Variants in BACH2 observed in about 807,000 individuals in gnomAD.
BACH2 encodes the protein transcription regulator protein BACH2.
A neutral mutation model predicts 61.8 loss-of-function variants in BACH2; 5 were observed. That is an observed-to-expected ratio of 0.08 (90% CI 0.04 to 0.17). The LOEUF (loss-of-function observed/expected upper bound fraction) is 0.17. Among genes scored for constraint, BACH2 ranks in the 10% least tolerant of loss-of-function variants. The probability of loss-of-function intolerance (pLI) is 1.00; values close to 1 mark genes in which losing one functional copy is unlikely to be tolerated. For synonymous variants in BACH2, 446 were observed against 440.1 expected (o/e 1.01, Z -0.17); for missense variants, 824 against 1,091.1 (o/e 0.76, Z 3.45).
At chr6:90,193,258 G>A (rs1317576524) in intron 4 of BACH2, among the ~76,000 whole-genome samples, 1 of 152,184 alleles carries the variant, frequency 6.6e-6, no homozygotes, top group Non-Finnish European at 1.5e-5. Context: ...TTTGAAAATA[G>A]GACCATTACA....
chr6:90,164,686 C>T (rs1208770653), intron 4 of BACH2, among the ~76,000 whole-genome samples: 1 of 152,148 alleles, frequency 6.6e-6, no homozygotes, highest in African/African-American at 2.4e-5. Context: ...CAAAACAAAT[C>T]CAGCAGCACA....
At chr6:90,031,477 CCTT>C (rs1334696284) in intron 5 of BACH2, among the ~76,000 whole-genome samples, 1 of 152,128 alleles carries the variant, frequency 6.6e-6, no homozygotes, top group Non-Finnish European at 1.5e-5. Context: ...CCCAAAATCT[CCTT>C]AAGCTGATAG....
intron 6 of BACH2, chr6:89,952,239 A>G: frequency 5.1e-6 from 1 of 196,094 alleles, no homozygotes; most frequent in Admixed American, 5.3e-5. Context: ...ACGAGGGGGG[A>G]GTGTTGTGAC....
intron 4 of BACH2, among the ~76,000 whole-genome samples, chr6:90,113,385 C>T (rs1244304458): frequency 6.6e-6 from 1 of 151,814 alleles, no homozygotes; most frequent in Non-Finnish European, 1.5e-5. Context: ...TGTTAAATAA[C>T]CACATACTCT....
At chr6:89,988,284 C>T (rs1776351539) in intron 6 of BACH2, among the ~76,000 whole-genome samples, 1 of 152,150 alleles carries the variant, frequency 6.6e-6, no homozygotes. Flanking sequence ...TTTTTCCAGG[C>T]ATGAGTTTCC....
At chr6:90,041,034 C>T (rs971306297) in intron 5 of BACH2, among the ~76,000 whole-genome samples, 2 of 152,124 alleles carry the variant, frequency 1.3e-5, no homozygotes, top group African/African-American at 2.4e-5. Context: ...AGTTTAACCT[C>T]GTCCTTTTGA....
In BACH2 at chr6:89,990,355, G is replaced by A. The variant is rs79453628; in HGVS notation, c.243+18247C>T. 1.5e-3 allele frequency among the ~76,000 whole-genome samples: 221 copies of A among 152,292 alleles called. 1 individual carries two copies. The highest frequency in any genetic ancestry group is 4.4e-3 in the African/African-American group (183 of 41,560). Reference sequence around the variant, plus strand: ...CTCCTAATTATCCTTGCACAAGTCTGCTGCGAAATTCTCAACAGAACTTTA... The same window carrying A: ...CTCCTAATTATCCTTGCACAAGTCTACTGCGAAATTCTCAACAGAACTTTA... On this transcript the variant is annotated intron_variant, in intron 6 of 8. Coordinates refer to ENST00000257749, the MANE Select transcript of BACH2 (RefSeq NM_021813.4).
At chr6:89,958,930 T>C (rs1774577627) in intron 6 of BACH2, among the ~76,000 whole-genome samples, 1 of 152,148 alleles carries the variant, frequency 6.6e-6, no homozygotes, top group South Asian at 2.1e-4. Flanking sequence ...CAGGGCCTAG[T>C]GCAAAATGAA....
chr6:90,290,699 C>T (rs1582572003), intron 1 of BACH2, among the ~76,000 whole-genome samples: 1 of 152,132 alleles, frequency 6.6e-6, no homozygotes. Context: ...CTTTAAAATC[C>T]GAAGTGAAGG....
intron 5 of BACH2, among the ~76,000 whole-genome samples, chr6:90,079,456 G>A (rs907672222): frequency 1.1e-4 from 17 of 152,294 alleles, no homozygotes; most frequent in Non-Finnish European, 1.9e-4. Context: ...AAAGATTCAA[G>A]GGTTTCACGC....
At chr6:90,079,331 T>C (rs1582323066) in intron 5 of BACH2, among the ~76,000 whole-genome samples, 1 of 152,208 alleles carries the variant, frequency 6.6e-6, no homozygotes, top group Admixed American at 6.5e-5. Flanking sequence ...GGCAACACCA[T>C]TAAGATATCC....
chr6:90,293,949 A>C (rs545163904), intron 1 of BACH2, among the ~76,000 whole-genome samples: 3 of 152,244 alleles, frequency 2.0e-5, no homozygotes, highest in Non-Finnish European at 4.4e-5. Context: ...AAAGGGCATA[A>C]TTCAATAGGA....
chr6:90,128,659 G>C lies in BACH2; in HGVS notation c.-161-39550C>G, dbSNP rs199628541. 7.9e-4 allele frequency among the ~76,000 whole-genome samples: 121 copies of C among 152,208 alleles called. 1 individual carries two copies. In the East Asian group the frequency reaches 0.021, roughly 26 times the overall value. ...CATTGTGGAAGTCAGTGTGGTGATT[G>C]CTCAGGGATCTAGAACTAGAAATAC... On this transcript the variant is annotated intron_variant, in intron 4 of 8. Coordinates refer to ENST00000257749, the MANE Select transcript of BACH2 (RefSeq NM_021813.4).
In BACH2 at chr6:90,296,562, G is replaced by C; in HGVS notation, c.-528C>G. 6.6e-6 allele frequency: 1 copy of C among 151,858 alleles called. No individual in the cohort carries two copies. The highest frequency in any genetic ancestry group is 6.6e-5 in the Admixed American group (1 of 15,250). The allele number at this position is 151,858 out of a possible 1,614,324, so 9.4% of individuals were successfully genotyped here. On this transcript the variant is annotated 5_prime_UTR_variant, in exon 1 of 9. Coordinates refer to ENST00000257749, the MANE Select transcript of BACH2 (RefSeq NM_021813.4). Reference sequence around the variant, plus strand: ...GCAGCCCCCTCCCGGCAGCCGGCGAGGTGGGCAGTTCGTGGGTCACCGAAA... The same window carrying C: ...GCAGCCCCCTCCCGGCAGCCGGCGACGTGGGCAGTTCGTGGGTCACCGAAA...
chr6:90,179,001 A>G (rs970481196), intron 4 of BACH2, among the ~76,000 whole-genome samples: 3 of 152,178 alleles, frequency 2.0e-5, no homozygotes, highest in African/African-American at 7.2e-5. Context: ...ACTCGTTAAA[A>G]TATACTTAGG....
At chr6:89,949,898 G>C (rs1004627658) in intron 7 of BACH2, among the ~76,000 whole-genome samples, 1 of 152,120 alleles carries the variant, frequency 6.6e-6, no homozygotes, top group Non-Finnish European at 1.5e-5. Context: ...GAAGGGCAAG[G>C]ATGAGGGTGA....
At chr6:90,179,109 G>T (rs1159484853) in intron 4 of BACH2, among the ~76,000 whole-genome samples, 3 of 152,100 alleles carry the variant, frequency 2.0e-5, no homozygotes, top group Non-Finnish European at 1.5e-5. Context: ...AGTGGCATTT[G>T]AACAGTCAGT....
rs189285458 is a variant in BACH2 at position 90,169,008 on chromosome 6, T to C, written c.-162+37561A>G. Among the ~76,000 whole-genome samples the C allele has an allele frequency of 1.4e-3, 220 of 152,266 alleles. 1 individual carries two copies. Among genetic ancestry groups the C allele is most frequent in the Non-Finnish European group, 2.5e-3 (170 of 68,026 alleles). ...TATCTCCAGCTAATAGTTGGCAGAG[T>C]GTTGTACGATGTTTCCCTTAATGAT... On this transcript the variant is annotated intron_variant, in intron 4 of 8. Transcript: ENST00000257749.
chr6:90,009,006 A>G (rs1370853011), intron 5 of BACH2, 150 bp from the exon 6 acceptor site: 3 of 963,080 alleles, frequency 3.1e-6, no homozygotes, highest in Non-Finnish European at 4.5e-6. Flanking sequence ...ACCAATCAGC[A>G]TATTTGTGCT....
Sources: allele counts gnomAD v4.1 joint callset (sites outside exome capture counted in the v4.1 genomes callset), GRCh38; gene constraint gnomAD v4.1.1; transcripts MANE v1.5; gene names NCBI Gene and HGNC (gene_info 2026-07-23, HGNC 2026-07-21).